The following KCNB2 variants were observed in gnomAD, a reference collection of about 807,000 sequenced individuals.
KCNB2 encodes potassium voltage-gated channel subfamily B member 2.
KCNB2 carries 15 observed loss-of-function variants against 61.5 expected under a neutral mutation model. That is an observed-to-expected ratio of 0.24 (90% CI 0.16 to 0.38). The LOEUF (loss-of-function observed/expected upper bound fraction) is 0.38. Ranked by LOEUF, KCNB2 falls within the 10% of genes least tolerant of loss-of-function variation. The pLI, the probability that KCNB2 is intolerant of heterozygous loss-of-function variation, is 1.00. For synonymous variants in KCNB2, 457 were observed against 446.0 expected (o/e 1.02, Z -0.31); for missense variants, 828 against 1,125.2 (o/e 0.74, Z 3.78).
At chr8:72,599,480 T>G (rs993449409) in intron 2 of KCNB2, among the ~76,000 whole-genome samples, 11 of 152,130 alleles carry the variant, frequency 7.2e-5, no homozygotes, top group African/African-American at 2.2e-4. Context: ...ATGTTAGACC[T>G]AAAACCATAA....
At chr8:72,648,022 T>A (rs550840526) in intron 2 of KCNB2, among the ~76,000 whole-genome samples, 45 of 152,234 alleles carry the variant, frequency 3.0e-4, no homozygotes, top group Admixed American at 3.9e-4. Flanking sequence ...TAGGCTAGAA[T>A]GAACTGTATA....
intron 2 of KCNB2, among the ~76,000 whole-genome samples, chr8:72,837,618 G>A (rs2129002343): frequency 6.6e-6 from 1 of 152,158 alleles, no homozygotes; most frequent in African/African-American, 2.4e-5. Context: ...AGGAATCCAT[G>A]GTTTTTAGGA....
intron 2 of KCNB2, among the ~76,000 whole-genome samples, chr8:72,733,597 T>C (rs1427280344): frequency 2.0e-5 from 3 of 152,174 alleles, no homozygotes; most frequent in Admixed American, 1.3e-4. Flanking sequence ...GCAGACTCAA[T>C]GAAGTTTTGC....
intron 2 of KCNB2, among the ~76,000 whole-genome samples, chr8:72,724,574 C>G (rs1247560484): frequency 2.0e-5 from 3 of 152,086 alleles, no homozygotes; most frequent in Non-Finnish European, 2.9e-5. Context: ...ATCACCATAC[C>G]TACCTAAAAT....
rs184009707 is a variant in KCNB2 at position 72,576,914 on chromosome 8, G to T, written c.579+8601G>T. Among the ~76,000 whole-genome samples the T allele has an allele frequency of 3.3e-5, 5 of 152,264 alleles. No individual in the cohort carries two copies. In the East Asian group the frequency reaches 9.7e-4, roughly 29 times the overall value. On this transcript the variant is annotated intron_variant, in intron 2 of 2. Coordinates refer to ENST00000523207, the MANE Select transcript of KCNB2 (RefSeq NM_004770.3). The stretch of plus-strand genomic sequence containing the variant: ...GAGACATGTAGTAACTGGCACAGAG[G>T]CAGGAAATAGAAAAATGGAAGAGGA...
chr8:72,859,501 T>C (rs1810260285), intron 2 of KCNB2, among the ~76,000 whole-genome samples: 1 of 151,990 alleles, frequency 6.6e-6, no homozygotes, highest in Non-Finnish European at 1.5e-5. Flanking sequence ...CTGTATCCCT[T>C]AGCCATCACC....
chr8:72,862,117 G>A (rs534028311), intron 2 of KCNB2, among the ~76,000 whole-genome samples: 68 of 152,134 alleles, frequency 4.5e-4, no homozygotes, highest in Non-Finnish European at 7.9e-4. Flanking sequence ...GATGGACAGA[G>A]CAAGACTGTC....
At chr8:72,566,727 A>G (rs924921340) in intron 1 of KCNB2, among the ~76,000 whole-genome samples, 1 of 150,974 alleles carries the variant, frequency 6.6e-6, no homozygotes, top group African/African-American at 2.4e-5. Flanking sequence ...AAAAAAAAAG[A>G]AAGAAAGGAA....
At chr8:72,831,304 A>T (rs1029836281) in intron 2 of KCNB2, among the ~76,000 whole-genome samples, 6 of 152,282 alleles carry the variant, frequency 3.9e-5, no homozygotes, top group African/African-American at 1.4e-4. Context: ...CCAATAAAAT[A>T]TGAATGCCCA....
At chr8:72,556,743 T>A (rs1414300202) in intron 1 of KCNB2, among the ~76,000 whole-genome samples, 1 of 152,120 alleles carries the variant, frequency 6.6e-6, no homozygotes, top group Non-Finnish European at 1.5e-5. Context: ...AAAAGGGACC[T>A]CCAGTTGATG....
intron 2 of KCNB2, chr8:72,618,945 G>C (rs916817658): frequency 2.9e-6 from 1 of 343,160 alleles, no homozygotes; most frequent in South Asian, 2.9e-5. Context: ...CATGCCTCTG[G>C]CTGAAAGTGA....
chr8:72,771,337 C>T (rs1808555786), intron 2 of KCNB2, among the ~76,000 whole-genome samples: 2 of 152,154 alleles, frequency 1.3e-5, no homozygotes, highest in South Asian at 4.1e-4. Flanking sequence ...TGCCTGCCTG[C>T]AGATAAAGTG....
chr8:72,915,241 T>C (rs533970009), intron 2 of KCNB2, among the ~76,000 whole-genome samples: 2 of 152,140 alleles, frequency 1.3e-5, no homozygotes, highest in African/African-American at 4.8e-5. Context: ...TTTAAAACAA[T>C]AGGAAGAAGC....
Position 72,757,048 on chromosome 8 carries a change from G to T in KCNB2, c.580-178887G>T, listed in dbSNP as rs1246189613. 3.3e-5 allele frequency among the ~76,000 whole-genome samples: 5 copies of T among 152,230 alleles called. No homozygotes were observed. In the South Asian group the frequency reaches 6.2e-4, roughly 19 times the overall value. ...GGCAGAGCATGATACTTAGAAGCTT[G>T]GGAGTCAATGAGATTATCTTAGGAG... On this transcript the variant is annotated intron_variant, in intron 2 of 2. Transcript: ENST00000523207.
intron 1 of KCNB2, among the ~76,000 whole-genome samples, chr8:72,539,162 G>T (rs1397159818): frequency 1.3e-5 from 2 of 152,192 alleles, no homozygotes; most frequent in East Asian, 3.8e-4. Flanking sequence ...ATCTAGGCTA[G>T]AGAGTTCTTT....
intron 2 of KCNB2, among the ~76,000 whole-genome samples, chr8:72,911,454 C>A (rs1177190908): frequency 6.6e-6 from 1 of 152,234 alleles, no homozygotes; most frequent in East Asian, 1.9e-4. Context: ...CCATTCAAAG[C>A]CTTTCACCTG....
intron 2 of KCNB2, among the ~76,000 whole-genome samples, chr8:72,571,677 A>AT (rs1354258924): frequency 6.6e-6 from 1 of 152,108 alleles, no homozygotes; most frequent in Non-Finnish European, 1.5e-5. Context: ...CACAGTTTAA[A>AT]TTTGAGATGG....
chr8:72,543,103 C>G (rs1022713016), intron 1 of KCNB2, among the ~76,000 whole-genome samples: 2 of 152,112 alleles, frequency 1.3e-5, no homozygotes, highest in Non-Finnish European at 2.9e-5. Flanking sequence ...ATCCAATACC[C>G]CCTTTTTATA....
intron 2 of KCNB2, among the ~76,000 whole-genome samples, chr8:72,839,699 G>A (rs1216040963): frequency 2.2e-5 from 3 of 136,640 alleles, no homozygotes; most frequent in Admixed American, 8.7e-5. Flanking sequence ...TGCAAGCTCC[G>A]CCTCCCGGGT....
Sources: allele counts gnomAD v4.1 joint callset (sites outside exome capture counted in the v4.1 genomes callset), GRCh38; gene constraint gnomAD v4.1.1; transcripts MANE v1.5; gene names NCBI Gene and HGNC (gene_info 2026-07-23, HGNC 2026-07-21).